The following ATP2A2 variants were observed in gnomAD, a reference collection of about 807,000 sequenced individuals.
The protein encoded by ATP2A2 is sarcoplasmic/endoplasmic reticulum calcium ATPase 2.
In ATP2A2, 14 loss-of-function variants were observed where a neutral mutation model predicts 109.3. That is an observed-to-expected ratio of 0.13 (90% CI 0.08 to 0.20). The LOEUF is 0.20. ATP2A2 is among the 10% of genes least tolerant of loss of function. ATP2A2 has a pLI of 1.00. For synonymous variants in ATP2A2, 506 were observed against 490.9 expected (o/e 1.03, Z -0.41); for missense variants, 657 against 1,321.6 (o/e 0.50, Z 7.80).
At chr12:110,341,765 C>T (rs1039044525) in intron 14 of ATP2A2, among the ~76,000 whole-genome samples, 8 of 152,144 alleles carry the variant, frequency 5.3e-5, no homozygotes, top group African/African-American at 1.9e-4. Flanking sequence ...CCCAGCTACT[C>T]GGGAGATTGA....
rs1412126814 is a variant in ATP2A2, at chr12:110,350,843, TGA to T, written c.*4375_*4376del. The T allele has an allele frequency of 9.2e-5, 15 of 162,946 alleles. 1 individual carries two copies. In the East Asian group the frequency reaches 2.5e-3, roughly 27 times the overall value. 10.1% of individuals were successfully genotyped at this position (162,946 alleles called of 1,614,324 possible). ...CTCCAGTTCATTTTCAGTTATTTTC[TGA>T]GTGTGCAGACAGCTATTTCGCACTG... On this transcript the variant is annotated 3_prime_UTR_variant, in exon 20 of 20. Transcript: ENST00000539276.
At chr12:110,296,266 C>T in intron 4 of ATP2A2, 1 of 350,804 alleles carries the variant, frequency 2.9e-6, no homozygotes, top group Admixed American at 4.0e-5. Flanking sequence ...GCTGTACTGC[C>T]TCTCATGAGA....
intron 8 of ATP2A2, 45 bp downstream of exon 8, chr12:110,328,062 C>G (rs754751649): frequency 6.4e-7 from 1 of 1,572,474 alleles, no homozygotes; most frequent in East Asian, 2.2e-5. Flanking sequence ...GTTCTTTGTT[C>G]ATCCTACCAA....
Position 110,281,662 on chromosome 12 carries a change from C to G in ATP2A2, c.-128C>G, listed in dbSNP as rs1872096891. Reference sequence around the variant, plus strand: ...GCGCCCGGCGAGGCGGAAGCGGCCGCAAGAGGAGGAGGGGAGAGCCCGTCC... The same window carrying G: ...GCGCCCGGCGAGGCGGAAGCGGCCGGAAGAGGAGGAGGGGAGAGCCCGTCC... On this transcript the variant is annotated 5_prime_UTR_variant, in exon 1 of 20. Coordinates refer to ENST00000539276, the MANE Select transcript of ATP2A2 (RefSeq NM_170665.4). 2.0e-6 allele frequency: 1 copy of G among 511,984 alleles called. No individual in the cohort carries two copies. The highest frequency in any genetic ancestry group is 2.0e-5 in the African/African-American group (1 of 48,990). The allele number at this position is 511,984 out of a possible 1,614,324, so 31.7% of individuals were successfully genotyped here. A position where few individuals can be genotyped will look rare whatever the true frequency, so the allele number is the denominator to read the frequency against.
chr12:110,337,998 C>T lies in ATP2A2; in HGVS notation c.1420-1283C>T, dbSNP rs187990629. ...CCAAAGGTTTATTCTCAGTCTTCGT[C>T]TTCCTATTTTGTTGGTGCTGTCACT... On this transcript the variant is annotated intron_variant, in intron 11 of 19. Coordinates refer to ENST00000539276, the MANE Select transcript of ATP2A2 (RefSeq NM_170665.4). Among the ~76,000 whole-genome samples the T allele has an allele frequency of 2.0e-5, 3 of 152,288 alleles. No individual in the cohort carries two copies. In the East Asian group the frequency reaches 5.8e-4, roughly 29 times the overall value.
At chr12:110,321,113 G>A (rs1374074962) in intron 5 of ATP2A2, among the ~76,000 whole-genome samples, 10 of 152,126 alleles carry the variant, frequency 6.6e-5, no homozygotes, top group East Asian at 3.9e-4. Context: ...CTGTAGTCCC[G>A]GTTGATCAGG....
At chr12:110,305,139 G>T (rs1875138149) in intron 5 of ATP2A2, among the ~76,000 whole-genome samples, 1 of 152,088 alleles carries the variant, frequency 6.6e-6, no homozygotes, top group Non-Finnish European at 1.5e-5. Context: ...TCACCGTTTT[G>T]GCCAGGCTGG....
At chr12:110,303,539 T>C (rs1874917887) in intron 5 of ATP2A2, among the ~76,000 whole-genome samples, 1 of 151,624 alleles carries the variant, frequency 6.6e-6, no homozygotes, top group East Asian at 1.9e-4. Flanking sequence ...GCCTCCCGAG[T>C]AGCTGAGATT....
chr12:110,346,660 A>G lies in ATP2A2; in HGVS notation c.*190A>G. On this transcript the variant is annotated 3_prime_UTR_variant, in exon 20 of 20. Transcript: ENST00000539276. ...ATTTTCCTTTTTTATACACATAATTAAAGTGTCCATTGACATGTACAGAGA... is the reference window on the plus strand; with the variant it reads ...ATTTTCCTTTTTTATACACATAATTGAAGTGTCCATTGACATGTACAGAGA... 6.9e-7 allele frequency: 1 copy of G among 1,452,532 alleles called. No individual in the cohort carries two copies. The highest frequency in any genetic ancestry group is 9.0e-7 in the Non-Finnish European group (1 of 1,112,348). The allele number at this position is 1,452,532 out of a possible 1,614,324, so 90.0% of individuals were successfully genotyped here. A position where few individuals can be genotyped will look rare whatever the true frequency, so the allele number is the denominator to read the frequency against.
chr12:110,328,044 G>A (rs762827295), intron 8 of ATP2A2, 27 bp downstream of exon 8: 36 of 1,598,546 alleles, frequency 2.3e-5, no homozygotes, highest in South Asian at 3.3e-5. Flanking sequence ...AGAATATTCC[G>A]TGTCGTGGTT....
chr12:110,318,560 G>A (rs775505440), intron 5 of ATP2A2, among the ~76,000 whole-genome samples: 5 of 152,094 alleles, frequency 3.3e-5, no homozygotes, highest in African/African-American at 4.8e-5. Context: ...TGCAACCTCC[G>A]CCTCCAAGGC....
At chr12:110,293,015 ATG>A (rs1873484595) in intron 4 of ATP2A2, among the ~76,000 whole-genome samples, 1 of 152,130 alleles carries the variant, frequency 6.6e-6, no homozygotes, top group South Asian at 2.1e-4. Flanking sequence ...CTTAAAATTC[ATG>A]TTAAGTGTTG....
At chr12:110,317,067 A>G (rs1204591361) in intron 5 of ATP2A2, among the ~76,000 whole-genome samples, 1 of 152,206 alleles carries the variant, frequency 6.6e-6, no homozygotes, top group Non-Finnish European at 1.5e-5. Flanking sequence ...GAGGCCTGGA[A>G]GTAGTTTAAA....
intron 11 of ATP2A2, among the ~76,000 whole-genome samples, chr12:110,334,788 A>C (rs1489012122): frequency 6.6e-6 from 1 of 152,182 alleles, no homozygotes; most frequent in East Asian, 1.9e-4. Flanking sequence ...GGGTTTCACC[A>C]TGCTAGCCAG....
At chr12:110,328,120 C>T in intron 8 of ATP2A2, 103 bp downstream of exon 8, 1 of 1,182,238 alleles carries the variant, frequency 8.5e-7, no homozygotes, top group South Asian at 1.3e-5. Context: ...TCATACATTT[C>T]TGTGGGCTGT....
At chr12:110,303,294 C>T (rs570445599) in intron 5 of ATP2A2, among the ~76,000 whole-genome samples, 2 of 151,770 alleles carry the variant, frequency 1.3e-5, no homozygotes, top group South Asian at 2.1e-4. Flanking sequence ...GGTGTGATCT[C>T]GGCTCACTGC....
At chr12:110,310,617 G>A (rs1196904317) in intron 5 of ATP2A2, among the ~76,000 whole-genome samples, 9 of 152,120 alleles carry the variant, frequency 5.9e-5, no homozygotes, top group African/African-American at 9.7e-5. Flanking sequence ...ACTCTGGAGC[G>A]AATCATCTTT....
At chr12:110,334,837 C>G (rs1438346767) in intron 11 of ATP2A2, among the ~76,000 whole-genome samples, 1 of 152,174 alleles carries the variant, frequency 6.6e-6, no homozygotes, top group Non-Finnish European at 1.5e-5. Context: ...ATCCGCCCAC[C>G]TCGGCCTCCC....
At chr12:110,330,200 A>G (rs1324797502) in intron 8 of ATP2A2, 1 of 152,184 alleles carries the variant, frequency 6.6e-6, no homozygotes, top group African/African-American at 2.4e-5. Flanking sequence ...TTGTTTTATA[A>G]TCAGTTAAGC....
Sources: allele counts gnomAD v4.1 joint callset (sites outside exome capture counted in the v4.1 genomes callset), GRCh38; gene constraint gnomAD v4.1.1; transcripts MANE v1.5; gene names NCBI Gene and HGNC (gene_info 2026-07-23, HGNC 2026-07-21).